Variants in SLC60A1 observed in about 807,000 individuals in gnomAD.
The protein encoded by SLC60A1 is major facilitator superfamily domain containing 4.
chr1:205,584,247 G>A, the SLC60A1 span: 4 of 1,089,058 alleles, frequency 3.7e-6, no homozygotes, highest in African/African-American at 1.7e-5. Context: ...TTGAGACAGA[G>A]TTTCACTCTC....
At chr1:205,597,932 T>G in the SLC60A1 span, 1 of 1,404,500 alleles carries the variant, frequency 7.1e-7, no homozygotes, top group Non-Finnish European at 1.0e-6. Context: ...AGCCACCTTC[T>G]GAACTCAAAC....
the SLC60A1 span, chr1:205,598,102 T>C: frequency 4.7e-6 from 2 of 427,558 alleles, no homozygotes; most frequent in Non-Finnish European, 8.8e-6. Flanking sequence ...AAGCCATGTC[T>C]GGGAGCAGGG....
the SLC60A1 span, among the ~76,000 whole-genome samples, chr1:205,597,119 A>G: frequency 6.6e-6 from 1 of 152,212 alleles, no homozygotes; most frequent in Non-Finnish European, 1.5e-5. Context: ...GGCTAGCCTC[A>G]GGATATCAGG....
chr1:205,569,915 G>C, the SLC60A1 span, among the ~76,000 whole-genome samples: 2 of 152,096 alleles, frequency 1.3e-5, no homozygotes, highest in African/African-American at 4.8e-5. Flanking sequence ...TCCTGAGGCA[G>C]CCAGAACATG....
At chr1:205,571,852 TTG>T in the SLC60A1 span, among the ~76,000 whole-genome samples, 1 of 152,220 alleles carries the variant, frequency 6.6e-6, no homozygotes, top group Non-Finnish European at 1.5e-5. Context: ...TGGTTTATAC[TTG>T]TGAGTGGGGG....
At chr1:205,598,927 C>G in the SLC60A1 span, 1 of 640,328 alleles carries the variant, frequency 1.6e-6, no homozygotes, top group Non-Finnish European at 2.7e-6. Flanking sequence ...CAGTCCCTGC[C>G]TTAGAGCAGG....
chr1:205,586,167 C>T, the SLC60A1 span: 2 of 1,613,782 alleles, frequency 1.2e-6, no homozygotes, highest in East Asian at 2.2e-5. Context: ...ATTCCCATAT[C>T]CTCAAGAATG....
chr1:205,594,151 AAC>A, the SLC60A1 span, among the ~76,000 whole-genome samples: 14 of 152,178 alleles, frequency 9.2e-5, no homozygotes, highest in African/African-American at 2.7e-4. Context: ...TGGCCAAGGA[AAC>A]ACAGTCTCTC....
At chr1:205,582,253 A>C in the SLC60A1 span, among the ~76,000 whole-genome samples, 1 of 152,210 alleles carries the variant, frequency 6.6e-6, no homozygotes, top group Non-Finnish European at 1.5e-5. Context: ...GTCCGGCTTA[A>C]GCCCGAGGTT....
At chr1:205,592,024 G>A in the SLC60A1 span, 3 of 1,399,938 alleles carry the variant, frequency 2.1e-6, no homozygotes, top group South Asian at 4.0e-5. Flanking sequence ...CACACAGCTG[G>A]GCTCCTTGGG....
chr1:205,579,122 C>G, the SLC60A1 span, among the ~76,000 whole-genome samples: 1 of 152,182 alleles, frequency 6.6e-6, no homozygotes, highest in Non-Finnish European at 1.5e-5. Flanking sequence ...CTCCTTTCCC[C>G]ACTTCTGCAC....
At chr1:205,587,721 G>A in the SLC60A1 span, among the ~76,000 whole-genome samples, 16 of 152,258 alleles carry the variant, frequency 1.1e-4, no homozygotes, top group African/African-American at 2.9e-4. Context: ...GATGGAGAGC[G>A]GGAGTGGAGG....
the SLC60A1 span, among the ~76,000 whole-genome samples, chr1:205,591,483 CAAAAAA>C: frequency 1.2e-5 from 1 of 86,928 alleles, no homozygotes; most frequent in East Asian, 3.4e-4. Context: ...CCCTGTCTCT[CAAAAAA>C]AAAAAAAAAA....
the SLC60A1 span, among the ~76,000 whole-genome samples, chr1:205,571,574 T>C: frequency 6.6e-6 from 1 of 152,114 alleles, no homozygotes; most frequent in South Asian, 2.1e-4. Context: ...CATGAAGAAC[T>C]CTTTCCTTTG....
the SLC60A1 span, among the ~76,000 whole-genome samples, chr1:205,593,923 C>T: frequency 2.0e-5 from 3 of 152,276 alleles, no homozygotes; most frequent in East Asian, 5.8e-4. Flanking sequence ...GTTTCTTTGG[C>T]TTCTGGCTCC....
the SLC60A1 span, among the ~76,000 whole-genome samples, chr1:205,579,362 C>A: frequency 1.3e-5 from 2 of 152,176 alleles, no homozygotes; most frequent in African/African-American, 2.4e-5. Flanking sequence ...CCAGGTGGGT[C>A]CCACCTGCGG....
chr1:205,579,649 G>A, the SLC60A1 span: 12,435 of 1,289,530 alleles, frequency 9.6e-3, 88 homozygotes, highest in Non-Finnish European at 0.011. Context: ...TCTACCAGAG[G>A]GGGAGAAATG....
At chr1:205,580,717 T>C in the SLC60A1 span, 1 of 1,585,004 alleles carries the variant, frequency 6.3e-7, no homozygotes, top group African/African-American at 1.4e-5. This position sits in a 1 kb window ranked among gnomAD's most constrained non-coding sequence, Gnocchi z 5.0. Context: ...TTGCTGACCC[T>C]TTCCTGTCTG....
the SLC60A1 span, chr1:205,584,805 CG>C: frequency 7.1e-7 from 1 of 1,414,564 alleles, no homozygotes; most frequent in East Asian, 2.3e-5. Flanking sequence ...CTGCCAGCCA[CG>C]GCCCTGGGAC....
Sources: allele counts gnomAD v4.1 joint callset (sites outside exome capture counted in the v4.1 genomes callset), GRCh38; gene constraint gnomAD v4.1.1; non-coding constraint Gnocchi (gnomAD v3.1); transcripts MANE v1.5; gene names NCBI Gene and HGNC (gene_info 2026-07-23, HGNC 2026-07-21).